NDUFA8: variants seen among roughly 807,000 people sequenced by gnomAD.
The protein encoded by NDUFA8 is NADH:ubiquinone oxidoreductase subunit A8.
NDUFA8 carries 16 observed loss-of-function variants against 20.9 expected under a neutral mutation model. The ratio of observed to expected loss-of-function variants is 0.77; its 90% confidence interval spans 0.52 to 1.16. The LOEUF (loss-of-function observed/expected upper bound fraction) is 1.16, where lower values mean the gene tolerates loss of function less well. NDUFA8 is among the 50% of genes most tolerant of loss of function. The pLI is 0.00. For missense variants in NDUFA8, 202 were observed against 216.4 expected (o/e 0.93, Z 0.42); for synonymous variants, 70 against 76.1 (o/e 0.92, Z 0.41).
At chr9:122,136,845 G>A in the NDUFA8 span, among the ~76,000 whole-genome samples, 4 of 152,220 alleles carry the variant, frequency 2.6e-5, no homozygotes, top group East Asian at 1.9e-4. Flanking sequence ...GTGAGCCACC[G>A]CGCCCGGCTG....
chr9:122,152,520 C>T (rs1482416411), intron 1 of NDUFA8, 112 bp from the exon 2 acceptor site: 2 of 962,304 alleles, frequency 2.1e-6, no homozygotes, highest in African/African-American at 1.6e-5. Context: ...ACTGTTCTGA[C>T]TTTACCAAGA....
chr9:122,139,394 T>C (rs1828789531), downstream of NDUFA8, among the ~76,000 whole-genome samples: 1 of 152,202 alleles, frequency 6.6e-6, no homozygotes, highest in Non-Finnish European at 1.5e-5. Flanking sequence ...TTTGGTTCCT[T>C]CTCAGGATTT....
chr9:122,143,565 G>A (rs972559919), downstream of NDUFA8, among the ~76,000 whole-genome samples: 1 of 152,164 alleles, frequency 6.6e-6, no homozygotes, highest in Non-Finnish European at 1.5e-5. Flanking sequence ...CCTGGCTTTG[G>A]AGCTGGAAGT....
At chr9:122,139,720 T>G (rs1828794383), downstream of NDUFA8, among the ~76,000 whole-genome samples, 2 of 152,256 alleles carry the variant, frequency 1.3e-5, no homozygotes, top group South Asian at 4.2e-4. Context: ...TGGAGACAGA[T>G]TCTCACTCTG....
chr9:122,141,752 T>C (rs1828823803), downstream of NDUFA8, among the ~76,000 whole-genome samples: 1 of 152,232 alleles, frequency 6.6e-6, no homozygotes, highest in South Asian at 2.1e-4. Context: ...CCTACTGAAA[T>C]TGAGACAGGC....
At chr9:122,153,340 C>A (rs1297248326) in intron 1 of NDUFA8, among the ~76,000 whole-genome samples, 3 of 144,768 alleles carry the variant, frequency 2.1e-5, no homozygotes, top group Non-Finnish European at 4.5e-5. Flanking sequence ...TACGGAGTCA[C>A]AGAAGATGAG....
At chr9:122,159,529 C>T (rs1017118558) in intron 1 of NDUFA8, 98 bp downstream of exon 1, 1 of 1,469,568 alleles carries the variant, frequency 6.8e-7, no homozygotes, top group Non-Finnish European at 9.5e-7. Flanking sequence ...GGGAGGGGGG[C>T]CCGGGTCCCA....
the NDUFA8 span, among the ~76,000 whole-genome samples, chr9:122,132,752 T>C: frequency 1.3e-5 from 2 of 152,142 alleles, no homozygotes; most frequent in Non-Finnish European, 2.9e-5. Context: ...AAGACAAGCT[T>C]TTGGGACATT....
intron 2 of NDUFA8, among the ~76,000 whole-genome samples, chr9:122,150,632 T>A (rs1292660830): frequency 2.0e-5 from 3 of 152,176 alleles, no homozygotes; most frequent in African/African-American, 7.2e-5. Context: ...TCAGGTACGT[T>A]ATGGTTGGTT....
chr9:122,148,258 C>T lies in NDUFA8; in HGVS notation c.235G>A (p.Ala79Thr). 1.2e-6 allele frequency: 2 copies of T among 1,614,140 alleles called. No individual in the cohort carries two copies. Among genetic ancestry groups the T allele is most frequent in the South Asian group, 2.2e-5 (2 of 91,078 alleles). The change falls in exon 3 of 4, where the codon GCA becomes ACA. Residue 79 changes from alanine to threonine, a missense_variant. Physicochemically the swap from Ala to Thr is moderately conservative, Grantham distance 58. Coordinates refer to ENST00000373768, the MANE Select transcript of NDUFA8 (RefSeq NM_014222.3). ...GTCCAATATTCTGTAAAAGGCTCTG[C>T]ACAGTGACGTTTTATCTGCCTGGAA... ...DFFRQIKRHC[A>T]EPFTEYWTCI...
At chr9:122,134,809 C>T in the NDUFA8 span, among the ~76,000 whole-genome samples, 26,072 of 152,132 alleles carry the variant, frequency 0.17, 3,638 homozygotes, top group African/African-American at 0.39. Flanking sequence ...ACAATTCCGA[C>T]ACTCCATGAG....
chr9:122,144,405 A>G (rs1588290579), intron 3 of NDUFA8, 27 bp from the exon 4 acceptor site: 1 of 1,605,176 alleles, frequency 6.2e-7, no homozygotes. Flanking sequence ...GGGCAAAAGC[A>G]AAGTTGAAAG....
chr9:122,150,310 C>T (rs1828973872), intron 2 of NDUFA8, among the ~76,000 whole-genome samples: 1 of 146,240 alleles, frequency 6.8e-6, no homozygotes, highest in Non-Finnish European at 1.5e-5. Context: ...ACTCGGGAGG[C>T]TGAGGCAGGA....
At chr9:122,153,655 T>C (rs1829037820) in intron 1 of NDUFA8, among the ~76,000 whole-genome samples, 1 of 152,204 alleles carries the variant, frequency 6.6e-6, no homozygotes, top group Non-Finnish European at 1.5e-5. Flanking sequence ...CTACCTTTTC[T>C]TATACCAATA....
At chr9:122,153,333 G>A (rs1034432018) in intron 1 of NDUFA8, among the ~76,000 whole-genome samples, 14 of 149,370 alleles carry the variant, frequency 9.4e-5, no homozygotes, top group African/African-American at 2.2e-4. Context: ...AGAGGACTAC[G>A]GAGTCACAGA....
chr9:122,136,104 CT>C, the NDUFA8 span, among the ~76,000 whole-genome samples: 1 of 152,150 alleles, frequency 6.6e-6, no homozygotes, highest in Non-Finnish European at 1.5e-5. Context: ...TTGTGTGGCT[CT>C]ATTGCAACTT....
At chr9:122,139,756 T>A (rs1382677224), downstream of NDUFA8, among the ~76,000 whole-genome samples, 3 of 152,198 alleles carry the variant, frequency 2.0e-5, no homozygotes, top group Non-Finnish European at 4.4e-5. Flanking sequence ...TGCGGTGGCA[T>A]GATCTCAGCT....
At chr9:122,136,021 C>T in the NDUFA8 span, among the ~76,000 whole-genome samples, 1 of 152,236 alleles carries the variant, frequency 6.6e-6, no homozygotes, top group Non-Finnish European at 1.5e-5. Flanking sequence ...ACATACAAGA[C>T]AGCTGTACCT....
At chr9:122,139,181 C>G (rs187622400), downstream of NDUFA8, among the ~76,000 whole-genome samples, 1 of 152,314 alleles carries the variant, frequency 6.6e-6, no homozygotes, top group African/African-American at 2.4e-5. Flanking sequence ...GCACAGCGAG[C>G]CCTGCCCTGC....
Sources: allele counts gnomAD v4.1 joint callset (sites outside exome capture counted in the v4.1 genomes callset), GRCh38; gene constraint gnomAD v4.1.1; transcripts MANE v1.5; gene names NCBI Gene and HGNC (gene_info 2026-07-23, HGNC 2026-07-21).